Variants in WWOX observed in about 807,000 individuals in gnomAD.
WWOX encodes WW domain-containing oxidoreductase.
Under a neutral mutation model 46.2 loss-of-function variants are expected in WWOX, and 69 were observed. The observed-to-expected ratio is 1.49, with a 90% CI of 1.23 to 1.82. WWOX has a LOEUF of 1.82. Ranked by LOEUF, WWOX falls within the 40% of genes most tolerant of loss-of-function variation. The pLI is 0.00. For synonymous variants in WWOX, 359 were observed against 202.6 expected (o/e 1.77, Z -6.56); for missense variants, 919 against 542.6 (o/e 1.69, Z -6.89).
chr16:78,736,711 C>G (rs1358829499), intron 8 of WWOX, among the ~76,000 whole-genome samples: 1 of 152,142 alleles, frequency 6.6e-6, no homozygotes, highest in Non-Finnish European at 1.5e-5. Context: ...GATCCTCCCA[C>G]CTCAACGTCC....
At chr16:78,913,882 A>G (rs564224189) in intron 8 of WWOX, among the ~76,000 whole-genome samples, 80 of 152,026 alleles carry the variant, frequency 5.3e-4, no homozygotes, top group African/African-American at 1.8e-3. Context: ...GCTGGTCTCA[A>G]AGTCCTGGCC....
chr16:78,718,452 A>C (rs1007764051), intron 8 of WWOX, among the ~76,000 whole-genome samples: 1 of 152,180 alleles, frequency 6.6e-6, no homozygotes, highest in African/African-American at 2.4e-5. Flanking sequence ...AAACTTTATA[A>C]CTGAATAGGA....
chr16:79,029,693 G>T (rs188894537), intron 8 of WWOX, among the ~76,000 whole-genome samples: 1 of 152,026 alleles, frequency 6.6e-6, no homozygotes, highest in Non-Finnish European at 1.5e-5. Context: ...GCATTGATGC[G>T]CTTAATTATG....
At chr16:78,663,065 G>C (rs1322958917) in intron 8 of WWOX, among the ~76,000 whole-genome samples, 1 of 152,102 alleles carries the variant, frequency 6.6e-6, no homozygotes. Context: ...TTATCGTATA[G>C]TCACAAACTT....
chr16:79,123,295 C>T (rs1274570249), intron 8 of WWOX, among the ~76,000 whole-genome samples: 2 of 151,940 alleles, frequency 1.3e-5, no homozygotes, highest in Admixed American at 1.3e-4. Flanking sequence ...GTTTAGACGC[C>T]CTCCTAGGAT....
intron 8 of WWOX, among the ~76,000 whole-genome samples, chr16:78,653,322 A>G (rs7197349): frequency 0.11 from 16,770 of 152,234 alleles, 1,076 homozygotes; most frequent in Non-Finnish European, 0.13. Flanking sequence ...AAAATAACTC[A>G]GGCTTATTTT....
At chr16:79,074,883 T>A (rs56055658) in intron 8 of WWOX, among the ~76,000 whole-genome samples, 1 of 150,628 alleles carries the variant, frequency 6.6e-6, no homozygotes, top group Non-Finnish European at 1.5e-5. Flanking sequence ...ACAGAACCTT[T>A]AAAAAAAAAG....
chr16:78,420,582 A>G (rs1448789616), intron 6 of WWOX, among the ~76,000 whole-genome samples: 1 of 152,000 alleles, frequency 6.6e-6, no homozygotes, highest in African/African-American at 2.4e-5. Flanking sequence ...AATCTATAGG[A>G]CAGAAAGTAC....
chr16:78,744,805 G>C (rs1240161745), intron 8 of WWOX, among the ~76,000 whole-genome samples: 1 of 152,184 alleles, frequency 6.6e-6, no homozygotes, highest in Non-Finnish European at 1.5e-5. Context: ...AGATTAAAAA[G>C]TAAAACTGGT....
intron 5 of WWOX, among the ~76,000 whole-genome samples, chr16:78,305,873 T>C (rs1309642401): frequency 1.3e-5 from 2 of 152,132 alleles, no homozygotes; most frequent in Non-Finnish European, 2.9e-5. Flanking sequence ...TTTTCTTTTT[T>C]TTGGTTGGAA....
At chr16:78,362,501 C>T (rs950022473) in intron 5 of WWOX, among the ~76,000 whole-genome samples, 3 of 151,908 alleles carry the variant, frequency 2.0e-5, no homozygotes, top group African/African-American at 4.8e-5. Context: ...TCCAGGTACT[C>T]GGGAGGCTGA....
chr16:78,508,951 T>C lies in WWOX; in HGVS notation c.1056+76199T>C, dbSNP rs1053404597. On this transcript the variant is annotated intron_variant, in intron 8 of 8. Coordinates refer to ENST00000566780, the MANE Select transcript of WWOX (RefSeq NM_016373.4). ...TGTATTGGCTGGCTGTTCAAAAGTA[T>C]CCTCTCTAGGCAAATAACGAGATTT... is the stretch of plus-strand genomic sequence containing the variant. Among the ~76,000 whole-genome samples, 4 of 152,228 alleles carry C rather than the reference T, an allele frequency of 2.6e-5. No individual in the cohort carries two copies. In the East Asian group the frequency reaches 7.7e-4, roughly 29 times the overall value.
chr16:78,908,552 AAG>A (rs1491063119), intron 8 of WWOX, among the ~76,000 whole-genome samples: 1 of 151,360 alleles, frequency 6.6e-6, no homozygotes, highest in Non-Finnish European at 1.5e-5. Context: ...AAAAAAAAAA[AAG>A]AGTTTAATTC....
intron 6 of WWOX, among the ~76,000 whole-genome samples, chr16:78,393,307 C>G (rs958608636): frequency 6.6e-6 from 1 of 152,116 alleles, no homozygotes; most frequent in African/African-American, 2.4e-5. Context: ...TGAACAGGGC[C>G]TAGAAGAGTT....
chr16:78,401,256 A>G (rs1467983314), intron 6 of WWOX, among the ~76,000 whole-genome samples: 1 of 150,038 alleles, frequency 6.7e-6, no homozygotes, highest in Non-Finnish European at 1.5e-5. Flanking sequence ...TCCATAATTT[A>G]GTGAAGATAG....
Position 78,509,628 on chromosome 16 carries a change from G to A in WWOX, c.1056+76876G>A, listed in dbSNP as rs75135571. Among the ~76,000 whole-genome samples the A allele has an allele frequency of 3.5e-3, 537 of 152,254 alleles. 4 individuals carry two copies. Among genetic ancestry groups the A allele is most frequent in the African/African-American group, 0.012 (518 of 41,538 alleles). ...CCTGCATTCAGGGATACCAACTTGG[G>A]TGCTGAAAAGCAGCGATGGCAGGAC... On this transcript the variant is annotated intron_variant, in intron 8 of 8. Coordinates refer to ENST00000566780, the MANE Select transcript of WWOX (RefSeq NM_016373.4).
chr16:78,597,479 A>C (rs2045518513), intron 8 of WWOX, among the ~76,000 whole-genome samples: 1 of 152,138 alleles, frequency 6.6e-6, no homozygotes, highest in South Asian at 2.1e-4. Context: ...GTCCACCATT[A>C]AGCATTTGTG....
intron 6 of WWOX, among the ~76,000 whole-genome samples, chr16:78,403,667 C>T (rs1430627583): frequency 1.1e-4 from 16 of 152,192 alleles, no homozygotes; most frequent in Admixed American, 1.0e-3. Context: ...CCCCCTGTGC[C>T]AGGCCCTGGA....
At chr16:78,734,295 C>G (rs1454762275) in intron 8 of WWOX, among the ~76,000 whole-genome samples, 1 of 152,044 alleles carries the variant, frequency 6.6e-6, no homozygotes, top group Admixed American at 6.5e-5. Context: ...ATTTTTCCCC[C>G]ACATGCATCT....
Sources: allele counts gnomAD v4.1 joint callset (sites outside exome capture counted in the v4.1 genomes callset), GRCh38; gene constraint gnomAD v4.1.1; transcripts MANE v1.5; gene names NCBI Gene and HGNC (gene_info 2026-07-23, HGNC 2026-07-21).